Variants in CXCL13 observed in about 807,000 individuals in gnomAD.
The protein encoded by CXCL13 is C-X-C motif chemokine ligand 13, also known as C-X-C motif chemokine 13.
Under a neutral mutation model 12.2 loss-of-function variants are expected in CXCL13, and 7 were observed. The observed-to-expected ratio is 0.57, with a 90% CI of 0.33 to 1.07. The LOEUF (loss-of-function observed/expected upper bound fraction) is 1.07. Among genes scored for constraint, CXCL13 ranks in the 50% least tolerant of loss-of-function variants. The pLI is 0.04. For missense variants in CXCL13, 113 were observed against 127.4 expected (o/e 0.89, Z 0.55); for synonymous variants, 47 against 42.4 (o/e 1.11, Z -0.42).
chr4:77,544,354 C>A (rs921115325), intron 1 of CXCL13, among the ~76,000 whole-genome samples: 1 of 152,114 alleles, frequency 6.6e-6, no homozygotes, highest in Non-Finnish European at 1.5e-5. Context: ...CTAGTTTAGA[C>A]TCCCACCAAC....
chr4:77,587,850 A>T (rs961064833), intron 1 of CXCL13, among the ~76,000 whole-genome samples: 7 of 152,218 alleles, frequency 4.6e-5, no homozygotes, highest in Non-Finnish European at 7.3e-5. Flanking sequence ...AAGCAGGGTC[A>T]TATAAGGGAA....
intron 1 of CXCL13, among the ~76,000 whole-genome samples, chr4:77,549,080 T>C (rs1284901853): frequency 6.6e-6 from 1 of 152,252 alleles, no homozygotes; most frequent in Non-Finnish European, 1.5e-5. Context: ...CTTCATTTCA[T>C]ACATTTGATC....
chr4:77,537,210 G>T (rs1297366789), intron 1 of CXCL13, among the ~76,000 whole-genome samples: 2 of 152,210 alleles, frequency 1.3e-5, no homozygotes, highest in Non-Finnish European at 2.9e-5. Flanking sequence ...AGCTATAAGA[G>T]TACTACTGCA....
rs569191707 is a variant in CXCL13 at position 77,517,260 on chromosome 4, G to T, written c.-43+5472G>T. Reference sequence around the variant, plus strand: ...TCAATTTTGGAATAGGTGTGGTGTGGTGCTGAAAAAAATGTATATTCTGTT... The same window carrying T: ...TCAATTTTGGAATAGGTGTGGTGTGTTGCTGAAAAAAATGTATATTCTGTT... On this transcript the variant is annotated intron_variant, in intron 1 of 4. Coordinates refer to the CXCL13 transcript ENST00000286758. Among the ~76,000 whole-genome samples the T allele has an allele frequency of 4.6e-5, 7 of 152,200 alleles. No homozygotes were observed. The East Asian group carries it at 1.4e-3, about 29-fold the overall frequency.
chr4:77,561,809 C>T (rs1725821371), intron 1 of CXCL13, among the ~76,000 whole-genome samples: 1 of 152,230 alleles, frequency 6.6e-6, no homozygotes, highest in East Asian at 1.9e-4. Flanking sequence ...CCCTTCAGCC[C>T]ACCACTGCAC....
chr4:77,564,839 A>G (rs76309177), intron 1 of CXCL13, among the ~76,000 whole-genome samples: 8,263 of 152,216 alleles, frequency 0.054, 705 homozygotes, highest in African/African-American at 0.19. Flanking sequence ...AAGTGAAAAG[A>G]GAAAGGCTGT....
chr4:77,568,865 A>G (rs1725999875), intron 1 of CXCL13, among the ~76,000 whole-genome samples: 1 of 151,964 alleles, frequency 6.6e-6, no homozygotes, highest in South Asian at 2.1e-4. Context: ...TAAAGTTTTC[A>G]TTTTTCTGTA....
intron 1 of CXCL13, among the ~76,000 whole-genome samples, chr4:77,551,453 T>A (rs970625391): frequency 6.6e-6 from 1 of 152,224 alleles, no homozygotes; most frequent in Non-Finnish European, 1.5e-5. Flanking sequence ...AGGCCACCAA[T>A]CTCTCCTGGC....
intron 1 of CXCL13, among the ~76,000 whole-genome samples, chr4:77,550,693 G>T (rs1057410520): frequency 6.6e-6 from 1 of 152,178 alleles, no homozygotes; most frequent in Non-Finnish European, 1.5e-5. Flanking sequence ...TTGATGATTT[G>T]TCTGATGCTG....
chr4:77,582,397 T>A (rs1272777635), intron 1 of CXCL13, among the ~76,000 whole-genome samples: 1 of 152,154 alleles, frequency 6.6e-6, no homozygotes, highest in Non-Finnish European at 1.5e-5. Context: ...CTAGATCGGG[T>A]AGGCAGTGGG....
intron 2 of CXCL13, among the ~76,000 whole-genome samples, chr4:77,609,210 T>A (rs1166153910): frequency 6.6e-6 from 1 of 152,126 alleles, no homozygotes; most frequent in Admixed American, 6.5e-5. Flanking sequence ...CGTGCAAAAG[T>A]GCAGTTTCAG....
Position 77,517,812 on chromosome 4 carries a change from A to G in CXCL13, c.-43+6024A>G, listed in dbSNP as rs149598554. 4.4e-3 allele frequency among the ~76,000 whole-genome samples: 667 copies of G among 152,224 alleles called. 18 individuals are homozygous for G. The highest frequency in any genetic ancestry group is 0.026 in the East Asian group (135 of 5,182). On this transcript the variant is annotated intron_variant, in intron 1 of 4. Transcript: ENST00000286758. ...GGAGCATTGAGTCCATTTACATTTA[A>G]AGTTAATATTGTTATGTGTGAATTT...
intron 1 of CXCL13, among the ~76,000 whole-genome samples, chr4:77,553,944 C>T (rs1448672986): frequency 2.0e-5 from 3 of 152,078 alleles, no homozygotes; most frequent in Admixed American, 1.3e-4. Context: ...TAGACTATGG[C>T]TGATGCCACA....
intron 1 of CXCL13, among the ~76,000 whole-genome samples, chr4:77,589,634 C>A (rs964545181): frequency 2.0e-4 from 31 of 152,126 alleles, no homozygotes; most frequent in African/African-American, 5.1e-4. Context: ...GGAACATACA[C>A]CCCACGAATA....
intron 1 of CXCL13, among the ~76,000 whole-genome samples, chr4:77,537,175 G>T (rs1469233968): frequency 9.2e-5 from 14 of 152,182 alleles, no homozygotes. Flanking sequence ...AACTGCAAGG[G>T]ATAGTTTATT....
intron 1 of CXCL13, among the ~76,000 whole-genome samples, chr4:77,524,669 C>T (rs1354852218): frequency 6.6e-6 from 1 of 152,192 alleles, no homozygotes; most frequent in Non-Finnish European, 1.5e-5. Context: ...TGTCCCCTTG[C>T]ACTTCCCGGG....
At chr4:77,516,050 C>A (rs982654449) in intron 1 of CXCL13, among the ~76,000 whole-genome samples, 9 of 152,198 alleles carry the variant, frequency 5.9e-5, no homozygotes, top group Non-Finnish European at 1.5e-5. Context: ...GCCTTTTCTG[C>A]ATCTATTGAG....
intron 1 of CXCL13, among the ~76,000 whole-genome samples, chr4:77,569,580 A>C (rs980924540): frequency 6.6e-6 from 1 of 152,190 alleles, no homozygotes; most frequent in Non-Finnish European, 1.5e-5. Flanking sequence ...AAGGTGAAAG[A>C]TTTCTACAAG....
chr4:77,546,835 G>T lies in CXCL13; in HGVS notation c.-43+35047G>T, dbSNP rs1046238618. ...TAGTTCTTTTAATTGTGATGTTAGG[G>T]TGTTGATTTTAGATCTTTCCTGCTT... On this transcript the variant is annotated intron_variant, in intron 1 of 4. Transcript: ENST00000286758. Among the ~76,000 whole-genome samples, 8 of 152,110 alleles carry T rather than the reference G, an allele frequency of 5.3e-5. No individual in the cohort carries two copies. The South Asian group carries it at 1.7e-3, about 32-fold the overall frequency.
Sources: allele counts gnomAD v4.1 joint callset (sites outside exome capture counted in the v4.1 genomes callset), GRCh38; gene constraint gnomAD v4.1.1; transcripts MANE v1.5; gene names NCBI Gene and HGNC (gene_info 2026-07-23, HGNC 2026-07-21).